The following ADAMTSL1 variants were observed in gnomAD, a reference collection of about 807,000 sequenced individuals.
ADAMTSL1 encodes ADAMTS-like protein 1.
In ADAMTSL1, 126 loss-of-function variants were observed where a neutral mutation model predicts 201.8. The ratio of observed to expected loss-of-function variants is 0.62; its 90% confidence interval spans 0.54 to 0.72. The LOEUF is 0.72. ADAMTSL1 is among the 30% of genes least tolerant of loss of function. The pLI is 0.00. For missense variants in ADAMTSL1, 2,679 were observed against 2,277.8 expected (o/e 1.18, Z -3.59); for synonymous variants, 1,121 against 903.4 (o/e 1.24, Z -4.32).
Position 18,706,894 on chromosome 9 carries a change from C to A in ADAMTSL1, c.1722C>A (p.Ser574=). 6.2e-7 allele frequency: 1 copy of A among 1,613,952 alleles called. No homozygotes were observed. The highest frequency in any genetic ancestry group is 1.3e-5 in the African/African-American group (1 of 75,056). ...IDECEGPKPA[S]QRACYAGPCS... ...AGTGTGAAGGGCCCAAGCCAGCATCCCAGCGTGCCTGTTATGCAGGCCCAT... is the reference window on the plus strand; with the variant it reads ...AGTGTGAAGGGCCCAAGCCAGCATCACAGCGTGCCTGTTATGCAGGCCCAT... The change falls in exon 14 of 29, where the codon TCC becomes TCA. Residue 574 remains serine, a synonymous_variant. Coordinates refer to ENST00000380548, the MANE Select transcript of ADAMTSL1 (RefSeq NM_001040272.6).
intron 1 of ADAMTSL1, among the ~76,000 whole-genome samples, chr9:18,067,917 AG>A (rs1451552355): frequency 6.6e-6 from 1 of 152,110 alleles, no homozygotes; most frequent in African/African-American, 2.4e-5. Flanking sequence ...TTCAAACAGG[AG>A]GGGGTGGGCT....
At chr9:18,669,597 A>G (rs545102934) in intron 9 of ADAMTSL1, among the ~76,000 whole-genome samples, 13 of 152,320 alleles carry the variant, frequency 8.5e-5, no homozygotes, top group African/African-American at 2.4e-4. Flanking sequence ...TGGGATCCCA[A>G]CGTGCCTCTG....
At chr9:18,373,970 T>C (rs139738542) in intron 2 of ADAMTSL1, among the ~76,000 whole-genome samples, 323 of 152,292 alleles carry the variant, frequency 2.1e-3, no homozygotes, top group Non-Finnish European at 3.3e-3. Context: ...GCAGTTATCA[T>C]AGACTAGGAA....
At chr9:18,853,889 C>CTGTGTGTGTGTGTGTGTG (rs71333070) in intron 23 of ADAMTSL1, among the ~76,000 whole-genome samples, 4 of 120,300 alleles carry the variant, frequency 3.3e-5, no homozygotes, top group Non-Finnish European at 5.8e-5. Flanking sequence ...TATTCACTCT[C>CTGTGTGTGTGTGTGTGTG]TGTGTGTGTG....
At chr9:18,068,765 T>C (rs1822823621) in intron 1 of ADAMTSL1, among the ~76,000 whole-genome samples, 1 of 152,216 alleles carries the variant, frequency 6.6e-6, no homozygotes, top group Non-Finnish European at 1.5e-5. Flanking sequence ...AGTGCTAAGT[T>C]CTAAGGTTAT....
In ADAMTSL1 at chr9:18,097,563, C is replaced by A. The variant is rs148788015; in HGVS notation, c.88-66299C>A. ...GTATAAAAGTCTGGCTGCTCCACAT[C>A]CTTGTTAATACTTCGTGTGGTCTGT... On this transcript the variant is annotated intron_variant, in intron 1 of 29. Coordinates refer to the ADAMTSL1 transcript ENST00000680146. 3.6e-4 allele frequency among the ~76,000 whole-genome samples: 55 copies of A among 152,298 alleles called. No individual in the cohort carries two copies. In the East Asian group the frequency reaches 0.01, roughly 28 times the overall value.
At chr9:18,379,061 T>C (rs1464091365) in intron 2 of ADAMTSL1, among the ~76,000 whole-genome samples, 2 of 152,160 alleles carry the variant, frequency 1.3e-5, no homozygotes, top group Non-Finnish European at 2.9e-5. Context: ...CTTTTTTCTG[T>C]AAGGAAGGAG....
intron 1 of ADAMTSL1, among the ~76,000 whole-genome samples, chr9:18,075,004 T>C (rs528222258): frequency 6.6e-6 from 1 of 152,266 alleles, no homozygotes; most frequent in African/African-American, 2.4e-5. Flanking sequence ...ATATTCCTTA[T>C]TTATTTCCTT....
chr9:18,596,369 T>C (rs555456538), intron 4 of ADAMTSL1, among the ~76,000 whole-genome samples: 1 of 152,342 alleles, frequency 6.6e-6, no homozygotes, highest in Non-Finnish European at 1.5e-5. Context: ...CTGATCTTAC[T>C]ATCTGTGTGA....
intron 1 of ADAMTSL1, among the ~76,000 whole-genome samples, chr9:18,474,847 A>T (rs889546871): frequency 1.3e-5 from 2 of 152,170 alleles, no homozygotes; most frequent in South Asian, 4.1e-4. Context: ...TAATGCTAGG[A>T]TTTATGAATT....
rs541595635 is a variant in ADAMTSL1, at chr9:18,735,309, A to T, written c.2006+13644A>T. Reference sequence around the variant, plus strand: ...AACTCTTGGGTTAGAATGTTTTGCGAAGTTTTCTGAGTTCCGTGAAACTAG... The same window carrying T: ...AACTCTTGGGTTAGAATGTTTTGCGTAGTTTTCTGAGTTCCGTGAAACTAG... On this transcript the variant is annotated intron_variant, in intron 15 of 28. Coordinates refer to ENST00000380548, the MANE Select transcript of ADAMTSL1 (RefSeq NM_001040272.6). 3.3e-5 allele frequency among the ~76,000 whole-genome samples: 5 copies of T among 152,328 alleles called. No homozygotes were observed. In the South Asian group the frequency reaches 8.3e-4, roughly 25 times the overall value.
chr9:18,074,476 C>CTT (rs1352020287), intron 1 of ADAMTSL1, among the ~76,000 whole-genome samples: 1 of 48,582 alleles, frequency 2.1e-5, no homozygotes, highest in African/African-American at 6.7e-5. Context: ...ACTGTGTTTT[C>CTT]TTTTCTTTTC....
chr9:18,090,082 A>T (rs1823943610), intron 1 of ADAMTSL1, among the ~76,000 whole-genome samples: 1 of 152,204 alleles, frequency 6.6e-6, no homozygotes. Context: ...TAACACACCC[A>T]TAGGATGTCT....
At chr9:18,553,791 T>A (rs1444918720) in intron 3 of ADAMTSL1, among the ~76,000 whole-genome samples, 1 of 151,878 alleles carries the variant, frequency 6.6e-6, no homozygotes, top group Non-Finnish European at 1.5e-5. Context: ...AAGCCAGCTG[T>A]CATTCTAATT....
At chr9:18,647,906 C>T (rs1827926047) in intron 7 of ADAMTSL1, among the ~76,000 whole-genome samples, 1 of 150,552 alleles carries the variant, frequency 6.6e-6, no homozygotes, top group South Asian at 2.1e-4. Context: ...ATTAGGTCCG[C>T]TTGGTGCAGA....
chr9:18,544,186 A>T (rs1820336269), intron 3 of ADAMTSL1, among the ~76,000 whole-genome samples: 1 of 152,210 alleles, frequency 6.6e-6, no homozygotes. Context: ...AACAATGGAA[A>T]TACATGGGAA....
intron 15 of ADAMTSL1, among the ~76,000 whole-genome samples, chr9:18,736,532 C>T (rs1818508949): frequency 6.6e-6 from 1 of 152,108 alleles, no homozygotes; most frequent in African/African-American, 2.4e-5. Context: ...ATTGACCCTC[C>T]CTTGATCTAG....
intron 2 of ADAMTSL1, among the ~76,000 whole-genome samples, chr9:18,408,882 C>A (rs1227860954): frequency 6.6e-6 from 1 of 152,080 alleles, no homozygotes; most frequent in Non-Finnish European, 1.5e-5. Flanking sequence ...GAACCTAAAC[C>A]TTTTAAGAGT....
At chr9:18,854,240 A>T (rs911122807) in intron 23 of ADAMTSL1, among the ~76,000 whole-genome samples, 1 of 151,606 alleles carries the variant, frequency 6.6e-6, no homozygotes, top group Non-Finnish European at 1.5e-5. Context: ...ATATGCACGC[A>T]CACACACACA....
Sources: allele counts gnomAD v4.1 joint callset (sites outside exome capture counted in the v4.1 genomes callset), GRCh38; gene constraint gnomAD v4.1.1; transcripts MANE v1.5; gene names NCBI Gene and HGNC (gene_info 2026-07-23, HGNC 2026-07-21).